LRP1B: variants seen among roughly 807,000 people sequenced by gnomAD.
The protein encoded by LRP1B is low-density lipoprotein receptor-related protein 1B.
In LRP1B, 217 loss-of-function variants were observed where a neutral mutation model predicts 556.6. That is an observed-to-expected ratio of 0.39 (90% CI 0.35 to 0.44). The LOEUF (loss-of-function observed/expected upper bound fraction) is 0.44, where lower values mean the gene tolerates loss of function less well. Ranked by LOEUF, LRP1B falls within the 20% of genes least tolerant of loss-of-function variation. LRP1B has a pLI of 1.00. For missense variants in LRP1B, 5,053 were observed against 5,620.8 expected (o/e 0.90, Z 3.23); for synonymous variants, 2,047 against 1,865.8 (o/e 1.10, Z -2.50).
At chr2:141,728,048 C>T (rs1327037321) in intron 2 of LRP1B, among the ~76,000 whole-genome samples, 1 of 151,938 alleles carries the variant, frequency 6.6e-6, no homozygotes, top group Non-Finnish European at 1.5e-5. Context: ...AAAGAGAAGC[C>T]CGTATTTCAG....
intron 6 of LRP1B, among the ~76,000 whole-genome samples, chr2:141,200,545 C>A (rs1440734578): frequency 6.6e-6 from 1 of 152,018 alleles, no homozygotes; most frequent in Non-Finnish European, 1.5e-5. Flanking sequence ...AGTATCTGCT[C>A]AAATGTCAGT....
intron 1 of LRP1B, among the ~76,000 whole-genome samples, chr2:141,880,571 A>T (rs952694399): frequency 6.6e-6 from 1 of 152,002 alleles, no homozygotes; most frequent in Non-Finnish European, 1.5e-5. Context: ...TAGTGAAATG[A>T]TTTTTTTGGT....
chr2:140,859,252 T>C, intron 27 of LRP1B, among the ~76,000 whole-genome samples: 1 of 152,220 alleles, frequency 6.6e-6, no homozygotes, highest in South Asian at 2.1e-4. Context: ...AAAAACCTTT[T>C]ATTAATCATG....
intron 1 of LRP1B, among the ~76,000 whole-genome samples, chr2:141,817,933 G>A (rs1696615523): frequency 6.6e-6 from 1 of 151,978 alleles, no homozygotes; most frequent in African/African-American, 2.4e-5. Context: ...ATATCCCCAG[G>A]GACTCAGATA....
intron 41 of LRP1B, among the ~76,000 whole-genome samples, chr2:140,609,480 C>T (rs1682991535): frequency 1.3e-5 from 2 of 152,040 alleles, no homozygotes; most frequent in African/African-American, 4.8e-5. Flanking sequence ...TACGTCCAAC[C>T]ATGAATTAAT....
At chr2:141,354,593 G>A (rs989462854) in intron 3 of LRP1B, among the ~76,000 whole-genome samples, 1 of 151,986 alleles carries the variant, frequency 6.6e-6, no homozygotes, top group Non-Finnish European at 1.5e-5. Flanking sequence ...TGCAAGTGTT[G>A]CTTTGTAGGC....
At chr2:140,555,548 T>A (rs1015578404) in intron 43 of LRP1B, among the ~76,000 whole-genome samples, 11 of 152,104 alleles carry the variant, frequency 7.2e-5, no homozygotes, top group African/African-American at 2.7e-4. Context: ...AAGCTCTTAA[T>A]AATTGTTAGC....
At chr2:141,009,094 A>T (rs1328403934) in intron 14 of LRP1B, among the ~76,000 whole-genome samples, 2 of 151,904 alleles carry the variant, frequency 1.3e-5, no homozygotes, top group Non-Finnish European at 2.9e-5. Flanking sequence ...CCTTTTCTAT[A>T]TGTGTCCTGG....
At chr2:140,967,018 C>A (rs548615010) in intron 18 of LRP1B, among the ~76,000 whole-genome samples, 1 of 152,198 alleles carries the variant, frequency 6.6e-6, no homozygotes, top group Admixed American at 6.5e-5. Context: ...ATTGTCTTGG[C>A]AATGAGGGCT....
In LRP1B at chr2:141,183,589, G is replaced by T. The variant is rs370866335; in HGVS notation, c.1013+4832C>A. Among the ~76,000 whole-genome samples, 5 of 152,112 alleles carry T rather than the reference G, an allele frequency of 3.3e-5. No individual in the cohort carries two copies. In the East Asian group the frequency reaches 9.7e-4, roughly 30 times the overall value. On this transcript the variant is annotated intron_variant, in intron 7 of 90. Transcript: ENST00000389484. ...ACAACACACTTTTCCCTTATTATTG[G>T]CATGAGGTGATGGGTTCACAAATAA...
intron 3 of LRP1B, among the ~76,000 whole-genome samples, chr2:141,454,390 A>C (rs912279864): frequency 1.3e-5 from 2 of 152,164 alleles, no homozygotes; most frequent in Admixed American, 1.3e-4. Flanking sequence ...AGACAAGAGA[A>C]GTGCTGGCAA....
At chr2:141,037,995 T>C (rs531466365) in intron 11 of LRP1B, among the ~76,000 whole-genome samples, 46 of 151,960 alleles carry the variant, frequency 3.0e-4, no homozygotes, top group African/African-American at 9.4e-4. Flanking sequence ...ATGGGACTAG[T>C]TCAAATAAGA....
chr2:141,866,430 G>A (rs780074647), intron 1 of LRP1B, among the ~76,000 whole-genome samples: 9 of 152,094 alleles, frequency 5.9e-5, no homozygotes, highest in Non-Finnish European at 8.8e-5. Flanking sequence ...ATTCTAAGAT[G>A]TATCAGTTAA....
chr2:141,199,928 T>C lies in LRP1B; in HGVS notation c.851-11345A>G, dbSNP rs572465057. Among the ~76,000 whole-genome samples, 67 of 152,162 alleles carry C rather than the reference T, an allele frequency of 4.4e-4. 1 individual carries two copies. The highest frequency in any genetic ancestry group is 1.5e-3 in the South Asian group (7 of 4,824). The stretch of plus-strand genomic sequence containing the variant: ...TATTAAAAAGACAAAAAATAACATA[T>C]GCTTCCAAGGCTTCAGATAAAAAAG... On this transcript the variant is annotated intron_variant, in intron 6 of 90. Coordinates refer to ENST00000389484, the MANE Select transcript of LRP1B (RefSeq NM_018557.3).
At chr2:140,329,730 T>C (rs557629440) in intron 79 of LRP1B, among the ~76,000 whole-genome samples, 1 of 151,780 alleles carries the variant, frequency 6.6e-6, no homozygotes, top group East Asian at 2.0e-4. Context: ...AAACCACTGC[T>C]CAAGGGAACC....
chr2:141,583,973 C>T (rs1349795923), intron 2 of LRP1B, among the ~76,000 whole-genome samples: 1 of 151,768 alleles, frequency 6.6e-6, no homozygotes, highest in East Asian at 1.9e-4. Flanking sequence ...CTCCTGATCT[C>T]ATTGAACAGG....
At chr2:140,483,347 C>G (rs114873129) in intron 59 of LRP1B, among the ~76,000 whole-genome samples, 1,825 of 151,702 alleles carry the variant, frequency 0.012, 33 homozygotes, top group African/African-American at 0.042. Context: ...TAACTGTAAC[C>G]TGGGAGAAAT....
chr2:141,662,509 G>GA (rs752505458), intron 2 of LRP1B, among the ~76,000 whole-genome samples: 4 of 151,872 alleles, frequency 2.6e-5, no homozygotes, highest in Non-Finnish European at 5.9e-5. Context: ...ATGGAAAGCA[G>GA]AAAAAAGCAC....
chr2:142,117,626 TGAGA>T (rs959953405), intron 1 of LRP1B, among the ~76,000 whole-genome samples: 41 of 151,014 alleles, frequency 2.7e-4, no homozygotes, highest in Non-Finnish European at 4.4e-4. Flanking sequence ...TGTGTGTGTG[TGAGA>T]GAGAGAGAGA....
Sources: allele counts gnomAD v4.1 joint callset (sites outside exome capture counted in the v4.1 genomes callset), GRCh38; gene constraint gnomAD v4.1.1; transcripts MANE v1.5; gene names NCBI Gene and HGNC (gene_info 2026-07-23, HGNC 2026-07-21).